MTHFD1L: variants seen among roughly 807,000 people sequenced by gnomAD.
MTHFD1L encodes monofunctional C1-tetrahydrofolate synthase, mitochondrial.
In MTHFD1L, 81 loss-of-function variants were observed where a neutral mutation model predicts 119.5. The ratio of observed to expected loss-of-function variants is 0.68; its 90% CI spans 0.57 to 0.82. MTHFD1L has a LOEUF of 0.82. Ranked by LOEUF, MTHFD1L falls within the 40% of genes least tolerant of loss-of-function variation. The pLI is 0.00. For synonymous variants in MTHFD1L, 430 were observed against 475.2 expected (o/e 0.90, Z 1.24); for missense variants, 1,125 against 1,253.4 (o/e 0.90, Z 1.55).
intron 7 of MTHFD1L, among the ~76,000 whole-genome samples, chr6:150,898,182 C>T (rs554491255): frequency 2.6e-5 from 4 of 152,194 alleles, no homozygotes; most frequent in Non-Finnish European, 5.9e-5. Flanking sequence ...TTAAACATAA[C>T]CTATAACAAT....
intron 24 of MTHFD1L, among the ~76,000 whole-genome samples, chr6:151,016,257 T>C (rs2128492625): frequency 6.6e-6 from 1 of 152,270 alleles, no homozygotes; most frequent in East Asian, 1.9e-4. Context: ...AGCTGACGCT[T>C]TCAGGAGTTG....
intron 11 of MTHFD1L, among the ~76,000 whole-genome samples, chr6:150,927,147 CT>C (rs1939311725): frequency 6.6e-6 from 1 of 152,058 alleles, no homozygotes; most frequent in South Asian, 2.1e-4. Flanking sequence ...GTGCTTTTTT[CT>C]TTATTTCTTT....
At chr6:150,998,631 G>C (rs1292115886) in intron 20 of MTHFD1L, among the ~76,000 whole-genome samples, 2 of 147,882 alleles carry the variant, frequency 1.4e-5, no homozygotes, top group East Asian at 3.9e-4. Flanking sequence ...TCGTGTGGCG[G>C]GTTGCAGTCA....
chr6:151,054,962 A>T (rs1350993520), intron 26 of MTHFD1L: 1 of 152,196 alleles, frequency 6.6e-6, no homozygotes, highest in African/African-American at 2.4e-5. Context: ...AATTACAAAG[A>T]TAAAAATTAA....
chr6:150,878,507 C>T (rs1363626066), intron 4 of MTHFD1L, among the ~76,000 whole-genome samples: 1 of 152,206 alleles, frequency 6.6e-6, no homozygotes, highest in African/African-American at 2.4e-5. Context: ...CCTCCTTGGC[C>T]TCCCAAAGTG....
chr6:150,901,563 G>C (rs888934894), intron 7 of MTHFD1L, among the ~76,000 whole-genome samples: 2 of 152,164 alleles, frequency 1.3e-5, no homozygotes, highest in African/African-American at 4.8e-5. Context: ...TTAACTGGGC[G>C]CACATAAACT....
intron 20 of MTHFD1L, among the ~76,000 whole-genome samples, chr6:150,986,233 C>T (rs1026053899): frequency 9.2e-5 from 14 of 152,178 alleles, no homozygotes; most frequent in Admixed American, 2.6e-4. Flanking sequence ...TAATGCAGAA[C>T]TTGGGCAAGT....
chr6:151,012,620 G>A lies in MTHFD1L; in HGVS notation c.2266-1159G>A, dbSNP rs560462556. On this transcript the variant is annotated intron_variant, in intron 21 of 27. Transcript: ENST00000367321. ...AGTGCAATCCAATAACTAATATTGT[G>A]CTATGCTTTGGGATCCACAGATTCT... 2.6e-5 allele frequency among the ~76,000 whole-genome samples: 4 copies of A among 152,142 alleles called. No homozygotes were observed. The South Asian group carries it at 8.3e-4, about 32-fold the overall frequency.
intron 24 of MTHFD1L, among the ~76,000 whole-genome samples, chr6:151,024,025 A>G (rs1184598255): frequency 1.3e-5 from 2 of 152,172 alleles, no homozygotes; most frequent in Non-Finnish European, 2.9e-5. Context: ...ACAGAAAACT[A>G]CGATCTTAGG....
At chr6:150,871,754 G>A (rs751554576) in intron 1 of MTHFD1L, among the ~76,000 whole-genome samples, 3 of 150,992 alleles carry the variant, frequency 2.0e-5, no homozygotes, top group Non-Finnish European at 4.4e-5. Flanking sequence ...CGCCCACTTC[G>A]GCCTCCCAAA....
intron 13 of MTHFD1L, among the ~76,000 whole-genome samples, chr6:150,939,964 C>T (rs1011218201): frequency 7.2e-5 from 11 of 152,178 alleles, no homozygotes; most frequent in Middle Eastern, 3.4e-3. Flanking sequence ...GGATTACAGG[C>T]GTGAGCCACT....
At chr6:150,939,683 C>CTTTTTTT (rs751835547) in intron 13 of MTHFD1L, among the ~76,000 whole-genome samples, 15,755 of 107,252 alleles carry the variant, frequency 0.15, 1,543 homozygotes, top group Non-Finnish European at 0.17. Context: ...CTTGCAGACT[C>CTTTTTTT]TTTTTTTTTT....
In MTHFD1L at chr6:151,050,147, C is replaced by T. The variant is rs931313164; in HGVS notation, c.2847+13030C>T. On this transcript the variant is annotated intron_variant, in intron 26 of 27. Transcript: ENST00000367321. ...CCCTACACACCTCTTCATATGTGTC[C>T]TTTGCAATATCTTTTTGTTGTTGTT... 7.2e-5 allele frequency among the ~76,000 whole-genome samples: 11 copies of T among 152,140 alleles called. No homozygotes were observed. In the South Asian group the frequency reaches 1.9e-3, roughly 26 times the overall value.
intron 8 of MTHFD1L, among the ~76,000 whole-genome samples, chr6:150,916,292 C>CTT (rs71554488): frequency 0.071 from 2,859 of 40,024 alleles, 1,094 homozygotes; most frequent in Admixed American, 0.089. Context: ...AAGGTAGAAT[C>CTT]TTTTTTTTTT....
chr6:150,931,035 A>AT (rs1203654354), intron 11 of MTHFD1L, among the ~76,000 whole-genome samples: 1 of 152,162 alleles, frequency 6.6e-6, no homozygotes, highest in Non-Finnish European at 1.5e-5. Context: ...AGTTTTACAT[A>AT]TTTTCCCAGT....
intron 8 of MTHFD1L, among the ~76,000 whole-genome samples, chr6:150,906,434 A>C (rs1243632022): frequency 1.3e-5 from 2 of 152,174 alleles, no homozygotes; most frequent in African/African-American, 2.4e-5. Context: ...GCCGGCCCAG[A>C]GTGGGTTCCT....
chr6:150,965,023 A>T lies in MTHFD1L; in HGVS notation c.1999A>T (p.Met667Leu). 2 of 1,614,016 alleles carry T rather than the reference A, an allele frequency of 1.2e-6. No homozygotes were observed. The highest frequency in any genetic ancestry group is 1.7e-6 in the Non-Finnish European group (2 of 1,179,900). The change falls in exon 19 of 28, where the codon ATG becomes TTG. Residue 667 changes from methionine to leucine, a missense_variant. By Grantham distance (15) the Met-to-Leu change is conservative (BLOSUM62 2). Around this residue, in one of 3 missense-constraint regions of MTHFD1L, gnomAD observed 1,058 missense variants for 1,151.2 expected, o/e 0.92. Coordinates refer to ENST00000367321, the MANE Select transcript of MTHFD1L (RefSeq NM_015440.5). ...GAAAGATGCAATAAAACCAAACCTGATGCAGACCCTGGAAGTAAGTGGTTT... is the reference window on the plus strand; with the variant it reads ...GAAAGATGCAATAAAACCAAACCTGTTGCAGACCCTGGAAGTAAGTGGTTT... ...LMKDAIKPNL[M>L]QTLEGTPVFV...
intron 20 of MTHFD1L, among the ~76,000 whole-genome samples, chr6:151,006,595 A>G (rs1318542803): frequency 6.6e-6 from 1 of 152,168 alleles, no homozygotes; most frequent in Non-Finnish European, 1.5e-5. Context: ...TTGAGCTTGC[A>G]ATTTTTCAAG....
chr6:151,090,110 G>A (rs2128647877), intron 26 of MTHFD1L, among the ~76,000 whole-genome samples: 1 of 152,302 alleles, frequency 6.6e-6, no homozygotes. Context: ...CCATCACAAT[G>A]TTTTATGTGT....
Sources: allele counts gnomAD v4.1 joint callset (sites outside exome capture counted in the v4.1 genomes callset), GRCh38; gene constraint gnomAD v4.1.1; regional missense constraint gnomAD v4.1.1; transcripts MANE v1.5; gene names NCBI Gene and HGNC (gene_info 2026-07-23, HGNC 2026-07-21).